The following KIF24 variants were observed in gnomAD, a reference collection of about 807,000 sequenced individuals.
KIF24 encodes the protein kinesin-like protein KIF24.
Under a neutral mutation model 118.9 loss-of-function variants are expected in KIF24, and 81 were observed. The observed-to-expected ratio is 0.68, with a 90% CI of 0.57 to 0.82. The LOEUF (loss-of-function observed/expected upper bound fraction) is 0.82, where lower values mean the gene tolerates loss of function less well. Ranked by LOEUF, KIF24 falls within the 40% of genes least tolerant of loss-of-function variation. The probability of loss-of-function intolerance (pLI) is 0.00; values close to 1 mark genes in which losing one functional copy is unlikely to be tolerated. For missense variants in KIF24, 1,560 were observed against 1,661.6 expected (o/e 0.94, Z 1.06); for synonymous variants, 599 against 610.0 (o/e 0.98, Z 0.27).
At chr9:34,311,674 ATATG>A (rs201509991) in intron 1 of KIF24, among the ~76,000 whole-genome samples, 8,968 of 107,368 alleles carry the variant, frequency 0.084, 655 homozygotes, top group East Asian at 0.35. Context: ...ATATACGTGT[ATATG>A]TATATATATA....
intron 1 of KIF24, among the ~76,000 whole-genome samples, chr9:34,328,722 G>A (rs550187330): frequency 8.5e-5 from 13 of 152,132 alleles, no homozygotes; most frequent in Non-Finnish European, 1.9e-4. Context: ...TACCTCAAAG[G>A]CTTCAAAATT....
Position 34,318,257 on chromosome 9 carries a change from A to G in KIF24, c.-25-6886T>C. Reference sequence around the variant, plus strand: ...CTCAGCTATAAGTTGTAAAAGTTACATAGAAATAGGCTATAGAAGAGTAGA... The same window carrying G: ...CTCAGCTATAAGTTGTAAAAGTTACGTAGAAATAGGCTATAGAAGAGTAGA... On this transcript the variant is annotated intron_variant, in intron 1 of 12. Coordinates refer to ENST00000402558, the MANE Select transcript of KIF24 (RefSeq NM_194313.4). The surrounding 1 kb of genome is among the most constrained non-coding windows in gnomAD (Gnocchi z 4.9). 3.9e-6 allele frequency: 2 copies of G among 508,824 alleles called. No individual in the cohort carries two copies. Among genetic ancestry groups the G allele is most frequent in the South Asian group, 2.4e-5 (1 of 41,904 alleles). 31.5% of individuals were successfully genotyped at this position (508,824 alleles called of 1,614,324 possible).
intron 5 of KIF24, 77 bp downstream of exon 5, chr9:34,290,097 A>G: frequency 2.0e-6 from 2 of 1,007,268 alleles, no homozygotes; most frequent in Non-Finnish European, 3.1e-6. Context: ...ATTAAAGCCT[A>G]TGATTCAGTG....
chr9:34,308,610 G>T (rs1837021521), intron 2 of KIF24, among the ~76,000 whole-genome samples: 1 of 152,088 alleles, frequency 6.6e-6, no homozygotes. Context: ...TAAGGGTTTT[G>T]TGTTAAAATC....
chr9:34,256,089 TCATACTGCTCAC>T lies in KIF24; in HGVS notation c.3506_3517del (p.Ser1169_Asp1173delinsAsn), dbSNP rs775078212. 1 of 1,613,858 alleles carries T rather than the reference TCATACTGCTCAC, an allele frequency of 6.2e-7. No individual in the cohort carries two copies. The highest frequency in any genetic ancestry group is 1.1e-5 in the South Asian group (1 of 91,086). On this transcript the variant is annotated inframe_deletion, in exon 11 of 13. Transcript: ENST00000402558. Reference sequence around the variant, plus strand: ...CAGCCCCGTCTCCTCTGCATCAGCATCATACTGCTCACTACCCATGTGTTCGTGGGAGAAAAG... The same window carrying T: ...CAGCCCCGTCTCCTCTGCATCAGCATTACCCATGTGTTCGTGGGAGAAAAG...
chr9:34,260,916 G>A (rs1194281260), intron 9 of KIF24, among the ~76,000 whole-genome samples: 1 of 152,150 alleles, frequency 6.6e-6, no homozygotes, highest in East Asian at 1.9e-4. Context: ...AGGTTGCAGT[G>A]AGCCAAGATC....
rs149107818 is a variant in KIF24 at position 34,256,889 on chromosome 9, G to C, written c.2718C>G (p.Leu906=). The change falls in exon 11 of 13, where the codon CTC becomes CTG. Residue 906 remains leucine, a synonymous_variant. Transcript: ENST00000402558. ...RDPINHRRAA[L]DHSCSPSKGP... is the part of the protein sequence containing the mutation. The stretch of plus-strand genomic sequence containing the variant: ...CCTTACTTGGGCTGCAGCTGTGATC[G>C]AGTGCTGCTCTTCTGTGGTTTATGG... The C allele has an allele frequency of 1.3e-5, 21 of 1,613,838 alleles. No homozygotes were observed. The highest frequency in any genetic ancestry group is 1.8e-5 in the Non-Finnish European group (21 of 1,179,886).
chr9:34,297,056 A>C lies in KIF24; in HGVS notation c.872T>G (p.Met291Arg). The change falls in exon 4 of 13, where the codon ATG (methionine) becomes AGG (arginine). Residue 291 changes from methionine (M) to arginine (R), a missense_variant. Physicochemically the swap from Met to Arg is moderately conservative, Grantham distance 91. Transcript: ENST00000402558. Reference sequence around the variant, plus strand: ...CTGAATAAGTGGGTGAGTAGTCTTCATGTATACATCCTGATTGGTGCACGC... The same window carrying C: ...CTGAATAAGTGGGTGAGTAGTCTTCCTGTATACATCCTGATTGGTGCACGC... ...GEACTNQDVY[M>R]KTTHPLIQHI... is the part of the protein sequence containing the mutation. 1 of 1,596,934 alleles carries C rather than the reference A, an allele frequency of 6.3e-7. No individual in the cohort carries two copies. The highest frequency in any genetic ancestry group is 1.1e-5 in the South Asian group (1 of 88,508).
In KIF24 at chr9:34,252,543, CTTT is replaced by C. The variant is rs763701349; in HGVS notation, c.*1834_*1836del. On this transcript the variant is annotated 3_prime_UTR_variant, in exon 13 of 13. Coordinates refer to ENST00000402558, the MANE Select transcript of KIF24 (RefSeq NM_194313.4). Reference sequence around the variant, plus strand: ...AAGGTATGTCTTGGTGTGATAACTTCTTTATTACCAAGGCTGTTTTATGGGAGT... The same window carrying C: ...AAGGTATGTCTTGGTGTGATAACTTCATTACCAAGGCTGTTTTATGGGAGT... 2.6e-5 allele frequency: 4 copies of C among 152,558 alleles called. No individual in the cohort carries two copies. Among genetic ancestry groups the C allele is most frequent in the Admixed American group, 6.5e-5 (1 of 15,278 alleles). The allele number at this position is 152,558 out of a possible 1,614,324, so 9.5% of individuals were successfully genotyped here.
At chr9:34,268,679 T>A (rs1022861351) in intron 8 of KIF24, among the ~76,000 whole-genome samples, 1 of 151,956 alleles carries the variant, frequency 6.6e-6, no homozygotes, top group Non-Finnish European at 1.5e-5. Flanking sequence ...AGCTAACTTT[T>A]GTATTTTTAA....
chr9:34,303,559 G>T (rs1268897447), intron 3 of KIF24, among the ~76,000 whole-genome samples: 1 of 152,074 alleles, frequency 6.6e-6, no homozygotes, highest in African/African-American at 2.4e-5. Flanking sequence ...TTATAAATAA[G>T]ATTGGTCAGG....
intron 9 of KIF24, among the ~76,000 whole-genome samples, chr9:34,262,780 G>C (rs1048676844): frequency 1.4e-5 from 2 of 146,144 alleles, no homozygotes; most frequent in Non-Finnish European, 3.0e-5. Flanking sequence ...AGGATTGCTT[G>C]AGCCTGGGAG....
intron 1 of KIF24, among the ~76,000 whole-genome samples, chr9:34,320,328 C>T (rs1837472760): frequency 8.0e-6 from 1 of 124,434 alleles, no homozygotes; most frequent in African/African-American, 2.7e-5. Context: ...ATAAAATGTT[C>T]CAACAAAAAA....
rs947189539 is a variant in KIF24 at position 34,253,297 on chromosome 9, G to C, written c.*1083C>G. ...CGTTCGGGCCAAGGCCGTGACTCAT[G>C]AATCTCCATTTGACCCAGAGTGGCT... is the stretch of plus-strand genomic sequence containing the variant. On this transcript the variant is annotated 3_prime_UTR_variant, in exon 13 of 13. Transcript: ENST00000402558. The C allele has an allele frequency of 2.0e-5, 3 of 152,300 alleles. No individual in the cohort carries two copies. The highest frequency in any genetic ancestry group is 4.4e-5 in the Non-Finnish European group (3 of 68,054). The allele number at this position is 152,300 out of a possible 1,614,324, so 9.4% of individuals were successfully genotyped here.
chr9:34,272,373 C>A (rs1351909377), intron 6 of KIF24, among the ~76,000 whole-genome samples: 1 of 152,144 alleles, frequency 6.6e-6, no homozygotes, highest in Non-Finnish European at 1.5e-5. Context: ...GGAGGGCAGG[C>A]CCGATGTAGA....
Position 34,259,613 on chromosome 9 carries a change from G to A in KIF24, c.1608C>T (p.Thr536=). 1 of 1,613,796 alleles carries A rather than the reference G, an allele frequency of 6.2e-7. No homozygotes were observed. The highest frequency in any genetic ancestry group is 1.3e-5 in the African/African-American group (1 of 75,054). The change falls in exon 10 of 13, where the codon ACC becomes ACT. Residue 536 remains threonine (T), a synonymous_variant. Coordinates refer to ENST00000402558, the MANE Select transcript of KIF24 (RefSeq NM_194313.4). ...TGACTTACCGGTCAGCATAGCGCAA[G>A]GTGTTGAGAGTGTGTTCAGTGGCCA... ...SHVATEHTLN[T]LRYADRVKEL...
intron 5 of KIF24, among the ~76,000 whole-genome samples, chr9:34,287,940 CTT>C (rs1179241479): frequency 6.7e-6 from 1 of 149,532 alleles, no homozygotes; most frequent in Non-Finnish European, 1.5e-5. Flanking sequence ...GAAGATCTAA[CTT>C]TTAGAGCCCT....
chr9:34,271,856 G>A lies in KIF24; in HGVS notation c.1290C>T (p.Ala430=), dbSNP rs368382401. ...GVNADSSRSH[A]VIQIQIKDSA... is the part of the protein sequence containing the mutation. Reference sequence around the variant, plus strand: ...AATCTTTGATCTGAATTTGGATGACGGCATGGGAGCGGGAGGAGTCTGCAT... The same window carrying A: ...AATCTTTGATCTGAATTTGGATGACAGCATGGGAGCGGGAGGAGTCTGCAT... The change falls in exon 7 of 13, where the codon GCC becomes GCT. Residue 430 remains alanine, a synonymous_variant. Transcript: ENST00000402558. 9 of 1,611,984 alleles carry A rather than the reference G, an allele frequency of 5.6e-6. No homozygotes were observed. The African/African-American group carries it at 9.3e-5, about 17-fold the overall frequency.
intron 5 of KIF24, among the ~76,000 whole-genome samples, chr9:34,287,372 C>T (rs1307698911): frequency 6.6e-6 from 1 of 152,140 alleles, no homozygotes; most frequent in Non-Finnish European, 1.5e-5. Flanking sequence ...AGACCTGATA[C>T]ATCTTATAAA....
Sources: gnomAD v4.1 joint callset for allele counts (sites outside exome capture counted in the v4.1 genomes callset) on GRCh38, gnomAD v4.1.1 for gene constraint, Gnocchi (gnomAD v3.1) non-coding constraint, MANE v1.5 for transcripts, NCBI Gene and HGNC (gene_info 2026-07-23, HGNC 2026-07-21) for gene names.